PIGU: variants seen among roughly 807,000 people sequenced by gnomAD.
PIGU encodes GPI-anchor transamidase component PIGU.
In PIGU, 24 loss-of-function variants were observed where a neutral mutation model predicts 49.9. The ratio of observed to expected loss-of-function variants is 0.48; its 90% CI spans 0.35 to 0.68. The LOEUF (loss-of-function observed/expected upper bound fraction) is 0.68. Among genes scored for constraint, PIGU ranks in the 30% least tolerant of loss-of-function variants. The pLI is 0.01. For missense variants in PIGU, 490 were observed against 532.6 expected (o/e 0.92, Z 0.79); for synonymous variants, 220 against 205.7 (o/e 1.07, Z -0.59).
chr20:34,572,392 A>G (rs1396777518), intron 11 of PIGU, among the ~76,000 whole-genome samples: 1 of 151,956 alleles, frequency 6.6e-6, no homozygotes, highest in African/African-American at 2.4e-5. Flanking sequence ...CACACCTGTA[A>G]TCGCAGCACT....
intron 7 of PIGU, among the ~76,000 whole-genome samples, chr20:34,589,649 C>CTTT (rs34119895): frequency 3.0e-4 from 16 of 53,684 alleles, no homozygotes; most frequent in Non-Finnish European, 4.4e-4. Flanking sequence ...CTGCACCTGG[C>CTTT]TTTTTTTTTT....
At chr20:34,573,128 T>C (rs1190256366) in intron 11 of PIGU, among the ~76,000 whole-genome samples, 1 of 152,178 alleles carries the variant, frequency 6.6e-6, no homozygotes, top group Admixed American at 6.5e-5. Flanking sequence ...TGGGATCACA[T>C]GCATGAGCCA....
At position 34,672,993 on chromosome 20, in the gene PIGU, G is replaced by A. The variant is rs544618190; in HGVS notation, c.130+3963C>T. Among the ~76,000 whole-genome samples the A allele has an allele frequency of 9.2e-5, 14 of 151,958 alleles. No individual in the cohort carries two copies. The South Asian group carries it at 2.7e-3, about 29-fold the overall frequency. ...ATGTCAGCCCGGCGTGGTGGCTCAC[G>A]CCTGTCATCCCAGCACTTTGGAAGG... On this transcript the variant is annotated intron_variant, in intron 1 of 11. Coordinates refer to ENST00000217446, the MANE Select transcript of PIGU (RefSeq NM_080476.5).
At chr20:34,674,602 A>C (rs1219742173) in intron 1 of PIGU, among the ~76,000 whole-genome samples, 1 of 152,068 alleles carries the variant, frequency 6.6e-6, no homozygotes, top group African/African-American at 2.4e-5. Context: ...TTCAGGAATG[A>C]ATAAAACAGA....
chr20:34,675,092 T>C (rs568870647), intron 1 of PIGU, among the ~76,000 whole-genome samples: 25 of 150,494 alleles, frequency 1.7e-4, no homozygotes, highest in Non-Finnish European at 3.3e-4. Context: ...CTACTAAAAA[T>C]ACAAAATTAG....
intron 2 of PIGU, among the ~76,000 whole-genome samples, chr20:34,647,512 G>A (rs767876607): frequency 2.4e-4 from 37 of 151,264 alleles, no homozygotes; most frequent in Non-Finnish European, 5.0e-4. Context: ...CACCCGCCTC[G>A]GCCTCCCAAA....
At chr20:34,672,856 CA>C (rs35130218) in intron 1 of PIGU, among the ~76,000 whole-genome samples, 15 of 113,602 alleles carry the variant, frequency 1.3e-4, no homozygotes, top group South Asian at 1.2e-3. Context: ...CCCTGTCTCT[CA>C]AAAAAAAAAA....
At position 34,645,395 on chromosome 20, in the gene PIGU, C is replaced by T. The variant is rs899239528; in HGVS notation, c.196-61G>A. The T allele has an allele frequency of 4.0e-6, 6 of 1,491,550 alleles. No individual in the cohort carries two copies. The African/African-American group carries it at 8.7e-5, about 22-fold the overall frequency. 92.4% of individuals were successfully genotyped at this position (1,491,550 alleles called of 1,614,324 possible). On this transcript the variant is annotated intron_variant, in intron 2 of 11. Transcript: ENST00000217446. ...GTTAAACCTTACTATTATCAGTTTCCAGAGTAGAGAGTGGGGAGAAAACTA... is the reference window on the plus strand; with the variant it reads ...GTTAAACCTTACTATTATCAGTTTCTAGAGTAGAGAGTGGGGAGAAAACTA...
chr20:34,636,359 A>G (rs2146762387), intron 5 of PIGU, among the ~76,000 whole-genome samples: 1 of 152,240 alleles, frequency 6.6e-6, no homozygotes, highest in South Asian at 2.1e-4. Flanking sequence ...CCTGGCCAAC[A>G]TGGTGAAACC....
chr20:34,606,362 C>G (rs1309802374), intron 7 of PIGU, among the ~76,000 whole-genome samples: 1 of 151,878 alleles, frequency 6.6e-6, no homozygotes, highest in Non-Finnish European at 1.5e-5. Flanking sequence ...TTTTTTCAAC[C>G]CAAAATCCAA....
At chr20:34,653,123 A>C (rs767531092) in intron 2 of PIGU, among the ~76,000 whole-genome samples, 23 of 151,976 alleles carry the variant, frequency 1.5e-4, no homozygotes, top group East Asian at 1.9e-4. Context: ...CAGGTGCACA[A>C]CACCACACCC....
chr20:34,574,673 C>T (rs1203619290), intron 11 of PIGU, among the ~76,000 whole-genome samples: 1 of 152,162 alleles, frequency 6.6e-6, no homozygotes, highest in African/African-American at 2.4e-5. Context: ...TTGCCTTGCC[C>T]TCTCCCCCTC....
At chr20:34,562,312 A>T in intron 11 of PIGU, 3 of 736,076 alleles carry the variant, frequency 4.1e-6, no homozygotes, top group Non-Finnish European at 5.0e-6. Flanking sequence ...ATTGGCACCA[A>T]CCACCTGGCA....
intron 6 of PIGU, among the ~76,000 whole-genome samples, chr20:34,620,004 A>G (rs557064287): frequency 2.6e-5 from 4 of 152,084 alleles, no homozygotes; most frequent in East Asian, 1.9e-4. Flanking sequence ...TGCTCTTGTC[A>G]TCTCTCTCCA....
At chr20:34,659,665 AAAG>A (rs1376830789) in intron 1 of PIGU, among the ~76,000 whole-genome samples, 2 of 152,204 alleles carry the variant, frequency 1.3e-5, no homozygotes, top group Non-Finnish European at 2.9e-5. Context: ...GTCTGTATAG[AAAG>A]AAGTAGACAT....
At chr20:34,606,771 T>G (rs1226401672) in intron 7 of PIGU, among the ~76,000 whole-genome samples, 1 of 152,202 alleles carries the variant, frequency 6.6e-6, no homozygotes, top group African/African-American at 2.4e-5. Flanking sequence ...TTTTGTTTCG[T>G]TTGTTTTTGA....
At chr20:34,564,192 T>C (rs534954795) in intron 11 of PIGU, among the ~76,000 whole-genome samples, 2 of 152,302 alleles carry the variant, frequency 1.3e-5, no homozygotes, top group East Asian at 3.9e-4. Context: ...AAATCCATTC[T>C]AGTGTTTCAG....
rs989626395 is a variant in PIGU at position 34,645,804 on chromosome 20, G to A, written c.196-470C>T. 3.9e-5 allele frequency among the ~76,000 whole-genome samples: 6 copies of A among 152,156 alleles called. No individual in the cohort carries two copies. The South Asian group carries it at 1.0e-3, about 26-fold the overall frequency. ...CCCAACTACTAGGGAGGCTGAGGCA[G>A]AAGAATGGCGTGAACCCAGGAGGCA... On this transcript the variant is annotated intron_variant, in intron 2 of 11. Coordinates refer to ENST00000217446, the MANE Select transcript of PIGU (RefSeq NM_080476.5).
In PIGU at chr20:34,561,119, C is replaced by T. The variant is rs142603113; in HGVS notation, c.1195-140G>A. ...TCACAATCACTGGAGAGGCCCTCCT[C>T]AGGGCCCCCACCTCAGGGCCCATAA... On this transcript the variant is annotated intron_variant, in intron 11 of 11. Transcript: ENST00000217446. 811 of 622,958 alleles carry T rather than the reference C, an allele frequency of 1.3e-3. 9 individuals are homozygous for T. The highest frequency in any genetic ancestry group is 2.0e-4 in the Non-Finnish European group (72 of 358,606). 38.6% of individuals were successfully genotyped at this position (622,958 alleles called of 1,614,324 possible).
Sources: gnomAD v4.1 joint callset for allele counts (sites outside exome capture counted in the v4.1 genomes callset) on GRCh38, gnomAD v4.1.1 for gene constraint, MANE v1.5 for transcripts, NCBI Gene and HGNC (gene_info 2026-07-23, HGNC 2026-07-21) for gene names.